The following SFMBT2 variants were observed in gnomAD, a reference collection of about 807,000 sequenced individuals.
SFMBT2 encodes the protein scm-like with four MBT domains protein 2.
A neutral mutation model predicts 110.1 loss-of-function variants in SFMBT2; 38 were observed. The ratio of observed to expected loss-of-function variants is 0.35; its 90% CI spans 0.27 to 0.45. The LOEUF (loss-of-function observed/expected upper bound fraction) is 0.45, where lower values mean the gene tolerates loss of function less well. SFMBT2 is among the 20% of genes least tolerant of loss of function. SFMBT2 has a pLI of 1.00. For synonymous variants in SFMBT2, 425 were observed against 425.4 expected (o/e 1.00, Z 0.01); for missense variants, 1,011 against 1,094.9 (o/e 0.92, Z 1.08).
At chr10:7,342,374 T>C (rs2131986530) in intron 4 of SFMBT2, among the ~76,000 whole-genome samples, 1 of 148,594 alleles carries the variant, frequency 6.7e-6, no homozygotes, top group East Asian at 2.0e-4. Context: ...CTACAGAATT[T>C]AGGAATTGCA....
rs555341164 is a variant in SFMBT2 at position 7,202,231 on chromosome 10, C to T, written c.1487+249G>A. 5.2e-5 allele frequency: 13 copies of T among 247,964 alleles called. No individual in the cohort carries two copies. The South Asian group carries it at 1.8e-3, about 34-fold the overall frequency. The allele number at this position is 247,964 out of a possible 1,614,324, so 15.4% of individuals were successfully genotyped here. A position where few individuals can be genotyped will look rare whatever the true frequency, so the allele number is the denominator to read the frequency against. ...TCAGTGTGTAGGTCTGGGACACTCC[C>T]CAGGTATGTCGAAATGGAATAAAAA... On this transcript the variant is annotated intron_variant, in intron 13 of 20. Coordinates refer to ENST00000397167, the MANE Select transcript of SFMBT2 (RefSeq NM_001387889.1).
chr10:7,214,230 T>A (rs1423541696), intron 11 of SFMBT2, among the ~76,000 whole-genome samples: 13 of 152,246 alleles, frequency 8.5e-5, no homozygotes. Flanking sequence ...ACGTCCAGCA[T>A]CTTCCGGCCA....
At chr10:7,383,509 T>C (rs746871972) in intron 1 of SFMBT2, among the ~76,000 whole-genome samples, 27 of 152,232 alleles carry the variant, frequency 1.8e-4, no homozygotes, top group Non-Finnish European at 2.6e-4. Context: ...ACCTGTTGTA[T>C]TTAACGTACT....
Position 7,161,949 on chromosome 10 carries a change from G to A in SFMBT2, c.*1821C>T, listed in dbSNP as rs982601740. 3 of 152,208 alleles carry A rather than the reference G, an allele frequency of 2.0e-5. No individual in the cohort carries two copies. Among genetic ancestry groups the A allele is most frequent in the African/African-American group, 7.2e-5 (3 of 41,456 alleles). 9.4% of individuals were successfully genotyped at this position (152,208 alleles called of 1,614,324 possible). A position where few individuals can be genotyped will look rare whatever the true frequency, so the allele number is the denominator to read the frequency against. On this transcript the variant is annotated 3_prime_UTR_variant, in exon 21 of 21. Transcript: ENST00000397167. ...ATTGTGGTGAAAAAGCAGGAAGGGT[G>A]AGAAGCCTCTGCTTCCAGTGTCTGC...
At chr10:7,349,821 A>G (rs1458561978) in intron 4 of SFMBT2, among the ~76,000 whole-genome samples, 1 of 151,878 alleles carries the variant, frequency 6.6e-6, no homozygotes, top group Non-Finnish European at 1.5e-5. Flanking sequence ...GAGACCACAA[A>G]TGTCTGTCCC....
intron 8 of SFMBT2, chr10:7,246,218 CA>C: frequency 2.1e-6 from 2 of 957,560 alleles, no homozygotes; most frequent in Non-Finnish European, 2.5e-6. Flanking sequence ...AAAAGGAAAA[CA>C]CAGTTTAGAA....
intron 7 of SFMBT2, among the ~76,000 whole-genome samples, chr10:7,259,524 A>G (rs1206367668): frequency 6.6e-6 from 1 of 152,240 alleles, no homozygotes; most frequent in African/African-American, 2.4e-5. Flanking sequence ...GGGTCTATCC[A>G]CTAGATGCTG....
At chr10:7,203,035 T>A (rs922549260) in intron 12 of SFMBT2, 2 of 985,326 alleles carry the variant, frequency 2.0e-6, no homozygotes, top group African/African-American at 3.5e-5. Context: ...GAGCAAATAG[T>A]GATTTCTTTG....
At chr10:7,400,638 G>C (rs1375568555) in intron 1 of SFMBT2, among the ~76,000 whole-genome samples, 1 of 152,260 alleles carries the variant, frequency 6.6e-6, no homozygotes, top group African/African-American at 2.4e-5. Flanking sequence ...CTTGAAAGCT[G>C]TCAGCTTCAA....
intron 9 of SFMBT2, among the ~76,000 whole-genome samples, chr10:7,235,549 C>G (rs1314489715): frequency 6.6e-6 from 1 of 150,610 alleles, no homozygotes; most frequent in Non-Finnish European, 1.5e-5. Flanking sequence ...ACACACGCAA[C>G]CACACAGCAC....
rs1474056739 is a variant in SFMBT2, at chr10:7,163,622, C to T, written c.*148G>A. 3 of 678,000 alleles carry T rather than the reference C, an allele frequency of 4.4e-6. No homozygotes were observed. The highest frequency in any genetic ancestry group is 2.9e-4 in the Middle Eastern group (1 of 3,464). The allele number at this position is 678,000 out of a possible 1,614,324, so 42.0% of individuals were successfully genotyped here. ...AACATGGAAACAGCTCACAGGCTGG[C>T]GGAGGCAGAAGATCCTGGGCTTCTG... On this transcript the variant is annotated 3_prime_UTR_variant, in exon 21 of 21. Coordinates refer to ENST00000397167, the MANE Select transcript of SFMBT2 (RefSeq NM_001387889.1). The surrounding 1 kb of genome is among the most constrained non-coding windows in gnomAD (Gnocchi z 4.8).
intron 9 of SFMBT2, among the ~76,000 whole-genome samples, chr10:7,243,342 C>T (rs1360301880): frequency 6.6e-6 from 1 of 152,174 alleles, no homozygotes; most frequent in Non-Finnish European, 1.5e-5. Flanking sequence ...TGGGGAAACT[C>T]CTGTGGACAG....
chr10:7,189,724 C>T (rs1441083046), intron 15 of SFMBT2, among the ~76,000 whole-genome samples: 4 of 152,192 alleles, frequency 2.6e-5, no homozygotes, highest in African/African-American at 7.2e-5. Flanking sequence ...CTCCTGCAGG[C>T]CGTCCGGGTG....
chr10:7,362,781 A>G (rs1844765612), intron 4 of SFMBT2, among the ~76,000 whole-genome samples: 1 of 152,200 alleles, frequency 6.6e-6, no homozygotes, highest in African/African-American at 2.4e-5. Context: ...CCAGGCATAC[A>G]CCGTAACTTG....
rs1363038070 is a variant in SFMBT2, at chr10:7,243,601, T to C, written c.1077A>G (p.Val359=). 3.4e-6 allele frequency: 3 copies of C among 872,856 alleles called. No homozygotes were observed. The highest frequency in any genetic ancestry group is 1.7e-5 in the Admixed American group (1 of 59,172). The allele number at this position is 872,856 out of a possible 1,614,324, so 54.1% of individuals were successfully genotyped here. The change falls in exon 9 of 21, where the codon GTA becomes GTG. Residue 359 remains valine (V), a synonymous_variant. Transcript: ENST00000397167. ...TGACTCCATTTTTAAGGCACCACTG[T>C]ACTGGCAAAATCCCCAAAGAATCTG... ...CHADSLGILP[V]QWCLKNGVSL... is the part of the protein sequence containing the mutation.
chr10:7,172,391 T>C lies in SFMBT2; in HGVS notation c.2151+104A>G, dbSNP rs1588763098. On this transcript the variant is annotated intron_variant, in intron 18 of 20. Transcript: ENST00000397167. This position sits in a 1 kb window ranked among gnomAD's most constrained non-coding sequence, Gnocchi z 4.6. ...CTCTTCTTCAGTGTTTCTGACCATC[T>C]TGCCACAATCTCCAGGGCCACCTCT... 1 of 1,570,146 alleles carries C rather than the reference T, an allele frequency of 6.4e-7. No homozygotes were observed.
At chr10:7,210,763 C>A (rs1053226297) in intron 11 of SFMBT2, among the ~76,000 whole-genome samples, 1 of 152,324 alleles carries the variant, frequency 6.6e-6, no homozygotes, top group African/African-American at 2.4e-5. Context: ...AGAAGCCCAG[C>A]GCGCAAAGCC....
chr10:7,269,250 G>C (rs1841495114), intron 7 of SFMBT2, among the ~76,000 whole-genome samples: 1 of 152,058 alleles, frequency 6.6e-6, no homozygotes, highest in Non-Finnish European at 1.5e-5. Context: ...TTAAATCAAA[G>C]ATAAATAACA....
intron 3 of SFMBT2, among the ~76,000 whole-genome samples, chr10:7,369,225 A>C (rs1588487387): frequency 6.6e-6 from 1 of 152,256 alleles, no homozygotes; most frequent in South Asian, 2.1e-4. Flanking sequence ...CAAGGAGCCA[A>C]AAGGAAGAAC....
Sources: allele counts gnomAD v4.1 joint callset (sites outside exome capture counted in the v4.1 genomes callset), GRCh38; gene constraint gnomAD v4.1.1; non-coding constraint Gnocchi (gnomAD v3.1); transcripts MANE v1.5; gene names NCBI Gene and HGNC (gene_info 2026-07-23, HGNC 2026-07-21).